IL2RA: variants seen among roughly 807,000 people sequenced by gnomAD.
IL2RA encodes interleukin 2 receptor subunit alpha, also known as interleukin-2 receptor subunit alpha.
A neutral mutation model predicts 37.8 loss-of-function variants in IL2RA; 24 were observed. That is an observed-to-expected ratio of 0.63 (90% CI 0.46 to 0.89). The LOEUF is 0.89. IL2RA is among the 40% of genes least tolerant of loss of function. The pLI, the probability that IL2RA is intolerant of heterozygous loss-of-function variation, is 0.00. For synonymous variants in IL2RA, 125 were observed against 114.6 expected, an observed-to-expected ratio of 1.09 and a Z score of -0.58; for missense variants, 319 against 348.6, an observed-to-expected ratio of 0.92 and a Z score of 0.68.
At chr10:6,034,755 T>C (rs972845896) in intron 1 of IL2RA, among the ~76,000 whole-genome samples, 4 of 152,196 alleles carry the variant, frequency 2.6e-5, no homozygotes, top group African/African-American at 9.7e-5. Context: ...CACTTCCTGC[T>C]TCTCCCAATG....
At chr10:6,016,608 T>C (rs1839284369) in intron 7 of IL2RA, among the ~76,000 whole-genome samples, 1 of 152,096 alleles carries the variant, frequency 6.6e-6, no homozygotes. Flanking sequence ...GTTTCACTCT[T>C]GTTGCCCAGG....
At chr10:6,040,290 A>C (rs918844419) in intron 1 of IL2RA, among the ~76,000 whole-genome samples, 2 of 152,236 alleles carry the variant, frequency 1.3e-5, no homozygotes, top group African/African-American at 4.8e-5. Flanking sequence ...CACAACGAGG[A>C]AATAGAGTTT....
intron 7 of IL2RA, among the ~76,000 whole-genome samples, chr10:6,013,497 A>T (rs1456529402): frequency 2.6e-5 from 4 of 152,188 alleles, no homozygotes; most frequent in Non-Finnish European, 5.9e-5. Context: ...TACTTTGCAC[A>T]GAGTTCCCAT....
At position 6,061,347 on chromosome 10, in the gene IL2RA, C is replaced by T. The variant is rs961744696; in HGVS notation, c.64+741G>A. Among the ~76,000 whole-genome samples the T allele has an allele frequency of 2.0e-5, 3 of 151,946 alleles. No homozygotes were observed. The East Asian group carries it at 5.8e-4, about 29-fold the overall frequency. ...GTTGCAGTAAGCCAATATCGCGCCA[C>T]TGCACTCCAGTCTGGCTGACAGAGA... On this transcript the variant is annotated intron_variant, in intron 1 of 7. Transcript: ENST00000379959.
In IL2RA at chr10:6,033,417, G is replaced by A. The variant is rs557582928; in HGVS notation, c.65-7392C>T. Among the ~76,000 whole-genome samples, 1 of 152,172 alleles carries A rather than the reference G, an allele frequency of 6.6e-6. No homozygotes were observed. The highest frequency in any genetic ancestry group is 6.5e-5 in the Admixed American group (1 of 15,288). Reference sequence around the variant, plus strand: ...TCTACTTCTAGGTATTTATCTAAGAGGAATGAAGGGATGTGTCTACAGAAA... The same window carrying A: ...TCTACTTCTAGGTATTTATCTAAGAAGAATGAAGGGATGTGTCTACAGAAA... On this transcript the variant is annotated intron_variant, in intron 1 of 7. Coordinates refer to ENST00000379959, the MANE Select transcript of IL2RA (RefSeq NM_000417.3). This position sits in a 1 kb window ranked among gnomAD's most constrained non-coding sequence, Gnocchi z 4.3.
Position 6,021,225 on chromosome 10 carries a change from T to G in IL2RA, c.583+253A>C, listed in dbSNP as rs12722696. On this transcript the variant is annotated intron_variant, in intron 4 of 7. Transcript: ENST00000379959. The surrounding 1 kb of genome is among the most constrained non-coding windows in gnomAD (Gnocchi z 4.9). The stretch of plus-strand genomic sequence containing the variant: ...AGGGTGCTTAGGAGAGGGCTTTCCT[T>G]CTCTTCTGTCTCCAACCTTTCTCCC... Among the ~76,000 whole-genome samples the G allele has an allele frequency of 2.8e-3, 425 of 152,082 alleles. 2 individuals are homozygous for G. Among genetic ancestry groups the G allele is most frequent in the African/African-American group, 9.9e-3 (410 of 41,494 alleles).
chr10:6,049,060 A>G (rs775973578), intron 1 of IL2RA, among the ~76,000 whole-genome samples: 27 of 152,252 alleles, frequency 1.8e-4, no homozygotes, highest in Non-Finnish European at 8.8e-5. Context: ...AATATTTATA[A>G]TGGGAGTTGG....
At chr10:6,043,730 G>A (rs188213518) in intron 1 of IL2RA, among the ~76,000 whole-genome samples, 21 of 152,250 alleles carry the variant, frequency 1.4e-4, no homozygotes, top group Non-Finnish European at 2.2e-4. Context: ...CAGCCATCAC[G>A]CACGACAAGA....
Position 6,044,671 on chromosome 10 carries a change from G to A in IL2RA, c.64+17417C>T, listed in dbSNP as rs1839823901. Among the ~76,000 whole-genome samples the A allele has an allele frequency of 6.6e-6, 1 of 152,172 alleles. No homozygotes were observed. Among genetic ancestry groups the A allele is most frequent in the Non-Finnish European group, 1.5e-5 (1 of 68,040 alleles). ...TTGAGTCCCAACTTCTACCTCAGTA[G>A]GAAGATTTTTAAATGGCATAATTAC... On this transcript the variant is annotated intron_variant, in intron 1 of 7. Coordinates refer to ENST00000379959, the MANE Select transcript of IL2RA (RefSeq NM_000417.3). This position sits in a 1 kb window ranked among gnomAD's most constrained non-coding sequence, Gnocchi z 4.5.
At position 6,020,952 on chromosome 10, in the gene IL2RA, T is replaced by TGCGC. The variant is rs201225509; in HGVS notation, c.583+522_583+525dup. ...GAGTATGTGTGTGTGTGTGTGTGTG[T>TGCGC]GCGCGCATGTGCACTGAGTAAGTCC... On this transcript the variant is annotated intron_variant, in intron 4 of 7. Coordinates refer to ENST00000379959, the MANE Select transcript of IL2RA (RefSeq NM_000417.3). This position sits in a 1 kb window ranked among gnomAD's most constrained non-coding sequence, Gnocchi z 5.6. Among the ~76,000 whole-genome samples the TGCGC allele has an allele frequency of 1.4e-5, 2 of 143,444 alleles. No homozygotes were observed. Among genetic ancestry groups the TGCGC allele is most frequent in the Non-Finnish European group, 3.1e-5 (2 of 64,670 alleles). The allele number at this position is 143,444 out of a possible 152,430, so 94.1% of individuals were successfully genotyped here.
chr10:6,016,913 A>G (rs555053893), intron 7 of IL2RA: 1 of 152,306 alleles, frequency 6.6e-6, no homozygotes, highest in South Asian at 2.1e-4. Flanking sequence ...TTTTGGCTGA[A>G]CAACCTACAT....
intron 1 of IL2RA, among the ~76,000 whole-genome samples, chr10:6,060,943 A>G (rs1347547035): frequency 1.3e-5 from 2 of 152,198 alleles, no homozygotes; most frequent in African/African-American, 4.8e-5. Flanking sequence ...GCCAGTTAGC[A>G]TTCTACTTGT....
Position 6,062,159 on chromosome 10 carries a change from AC to A in IL2RA, c.-9del, listed in dbSNP as rs1840131439. 4 of 1,612,866 alleles carry A rather than the reference AC, an allele frequency of 2.5e-6. No homozygotes were observed. The highest frequency in any genetic ancestry group is 2.7e-5 in the African/African-American group (2 of 74,880). ...CAGCAGGTATGAATCCATCTTCCTGACCCTTGGGACCAGCCGGGGCAGTGAA... is the reference window on the plus strand; with the variant it reads ...CAGCAGGTATGAATCCATCTTCCTGACCTTGGGACCAGCCGGGGCAGTGAA... On this transcript the variant is annotated 5_prime_UTR_variant, in exon 1 of 8. Transcript: ENST00000379959.
At chr10:6,061,977 T>G (rs912576687) in intron 1 of IL2RA, 111 bp downstream of exon 1, 2 of 895,392 alleles carry the variant, frequency 2.2e-6, no homozygotes, top group Non-Finnish European at 3.7e-6. Context: ...AACCCAAGAT[T>G]CAACTCCCTT....
At chr10:6,031,465 T>C (rs1456030033) in intron 1 of IL2RA, among the ~76,000 whole-genome samples, 3 of 10,476 alleles carry the variant, frequency 2.9e-4, no homozygotes, top group East Asian at 4.7e-3. Context: ...CATATATATA[T>C]ATATATATAT....
chr10:6,061,116 C>T (rs527661458), intron 1 of IL2RA, among the ~76,000 whole-genome samples: 7 of 152,180 alleles, frequency 4.6e-5, no homozygotes, highest in Middle Eastern at 3.4e-3. Flanking sequence ...TGGCCAGGCA[C>T]GGTGGTTCAT....
Position 6,062,297 on chromosome 10 carries a change from C to G in IL2RA, c.-146G>C. On this transcript the variant is annotated 5_prime_UTR_variant, in exon 1 of 8. Coordinates refer to ENST00000379959, the MANE Select transcript of IL2RA (RefSeq NM_000417.3). ...CGCCTGGGCTGTCACCCTTGTGGGT[C>G]CATCCAGTCTCTATCGGAGTCAGGA... 1.5e-6 allele frequency: 1 copy of G among 684,854 alleles called. No homozygotes were observed. The highest frequency in any genetic ancestry group is 2.7e-6 in the Non-Finnish European group (1 of 376,364). The allele number at this position is 684,854 out of a possible 1,614,324, so 42.4% of individuals were successfully genotyped here. A position where few individuals can be genotyped will look rare whatever the true frequency, so the allele number is the denominator to read the frequency against.
chr10:6,056,716 T>C lies in IL2RA; in HGVS notation c.64+5372A>G, dbSNP rs1840051401. On this transcript the variant is annotated intron_variant, in intron 1 of 7. Coordinates refer to ENST00000379959, the MANE Select transcript of IL2RA (RefSeq NM_000417.3). The surrounding 1 kb of genome is among the most constrained non-coding windows in gnomAD (Gnocchi z 5.0). ...TTGCAGTGAGTTGAGATTGCACCAC[T>C]GTGCTCTAGCCTGGGCGACAGAGCG... Among the ~76,000 whole-genome samples, 1 of 151,954 alleles carries C rather than the reference T, an allele frequency of 6.6e-6. No homozygotes were observed. The highest frequency in any genetic ancestry group is 6.6e-5 in the Admixed American group (1 of 15,258).
intron 1 of IL2RA, 113 bp from the exon 2 acceptor site, chr10:6,026,138 A>G: frequency 2.7e-6 from 3 of 1,129,278 alleles, no homozygotes; most frequent in Admixed American, 2.0e-5. Flanking sequence ...AAAAGATGGT[A>G]TGCCCTACTT....
Sources: allele counts gnomAD v4.1 joint callset (sites outside exome capture counted in the v4.1 genomes callset), GRCh38; gene constraint gnomAD v4.1.1; non-coding constraint Gnocchi (gnomAD v3.1); transcripts MANE v1.5; gene names NCBI Gene and HGNC (gene_info 2026-07-23, HGNC 2026-07-21).